The following LRRC75A variants were observed in gnomAD, a reference collection of about 807,000 sequenced individuals.
LRRC75A encodes the protein leucine-rich repeat-containing protein 75A.
In LRRC75A, 12 loss-of-function variants were observed where a neutral mutation model predicts 26.0. The observed-to-expected ratio is 0.46, with a 90% CI of 0.30 to 0.75. The LOEUF is 0.75. LRRC75A is among the 30% of genes least tolerant of loss of function. The probability of loss-of-function intolerance (pLI) is 0.08; values close to 1 mark genes in which losing one functional copy is unlikely to be tolerated. For missense variants in LRRC75A, 410 were observed against 486.6 expected (o/e 0.84, Z 1.48); for synonymous variants, 223 against 219.3 (o/e 1.02, Z -0.15).
intron 1 of LRRC75A, among the ~76,000 whole-genome samples, chr17:16,471,349 G>A (rs1297092832): frequency 6.6e-6 from 1 of 152,172 alleles, no homozygotes; most frequent in Non-Finnish European, 1.5e-5. Context: ...AATATGTTTC[G>A]GTTGGTCCAA....
At chr17:16,466,619 T>C (rs1601170440) in intron 1 of LRRC75A, among the ~76,000 whole-genome samples, 1 of 151,794 alleles carries the variant, frequency 6.6e-6, no homozygotes, top group Non-Finnish European at 1.5e-5. Flanking sequence ...TGGTGGGGAG[T>C]GACGCTCGGA....
Position 16,488,769 on chromosome 17 carries a change from G to A in LRRC75A, c.246+2976C>T, listed in dbSNP as rs115530954. ...CCTGCACCCCTGGCCACAGCTCAGGGTCATTTGTGCTGAATGAGGCCTCCT... is the reference window on the plus strand; with the variant it reads ...CCTGCACCCCTGGCCACAGCTCAGGATCATTTGTGCTGAATGAGGCCTCCT... On this transcript the variant is annotated intron_variant, in intron 1 of 3. Transcript: ENST00000470794. Among the ~76,000 whole-genome samples the A allele has an allele frequency of 2.8e-3, 432 of 152,342 alleles. 2 individuals carry two copies. Among genetic ancestry groups the A allele is most frequent in the African/African-American group, 0.01 (416 of 41,578 alleles).
intron 2 of LRRC75A, among the ~76,000 whole-genome samples, chr17:16,451,093 G>T (rs983905500): frequency 6.6e-6 from 1 of 152,178 alleles, no homozygotes; most frequent in Non-Finnish European, 1.5e-5. Flanking sequence ...TCATCAGTAA[G>T]ATTAAACCCC....
In LRRC75A at chr17:16,491,598, G is replaced by A; in HGVS notation, c.246+147C>T. On this transcript the variant is annotated intron_variant, in intron 1 of 3. Coordinates refer to ENST00000470794, the MANE Select transcript of LRRC75A (RefSeq NM_001113567.3). The surrounding 1 kb of genome is among the most constrained non-coding windows in gnomAD (Gnocchi z 5.9). ...CAGCGGAAGCGCCGAGGCACCTGCT[G>A]CCAGACAGGGCTCCATCCCCGCGGA... is the stretch of plus-strand genomic sequence containing the variant. 2.0e-6 allele frequency: 1 copy of A among 507,600 alleles called. No homozygotes were observed. Among genetic ancestry groups the A allele is most frequent in the Non-Finnish European group, 3.0e-6 (1 of 334,640 alleles). The allele number at this position is 507,600 out of a possible 1,614,324, so 31.4% of individuals were successfully genotyped here.
chr17:16,455,147 G>C (rs2093666698), intron 2 of LRRC75A, among the ~76,000 whole-genome samples: 1 of 152,004 alleles, frequency 6.6e-6, no homozygotes, highest in Admixed American at 6.6e-5. Flanking sequence ...TGGCCAGGTT[G>C]GTCTTGAACT....
intron 1 of LRRC75A, among the ~76,000 whole-genome samples, chr17:16,475,820 G>A (rs2093818315): frequency 6.6e-6 from 1 of 152,118 alleles, no homozygotes; most frequent in Admixed American, 6.6e-5. Context: ...GCTGAGGTGG[G>A]CGGATCACCT....
chr17:16,456,247 AAGGAAGAGGATC>A lies in LRRC75A; in HGVS notation c.375+5999_375+6010del, dbSNP rs1323331635. Among the ~76,000 whole-genome samples, 3 of 126,030 alleles carry A rather than the reference AAGGAAGAGGATC, an allele frequency of 2.4e-5. 1 individual carries two copies. The highest frequency in any genetic ancestry group is 8.2e-5 in the Admixed American group (1 of 12,208). 82.7% of individuals were successfully genotyped at this position (126,030 alleles called of 152,430 possible). The stretch of plus-strand genomic sequence containing the variant: ...GAAGAAGAGGAGAAAGGAGGAGAAG[AAGGAAGAGGATC>A]AGGAAGAGGAGGAGGAGGAAGAGGA... On this transcript the variant is annotated intron_variant, in intron 2 of 3. Coordinates refer to ENST00000470794, the MANE Select transcript of LRRC75A (RefSeq NM_001113567.3).
At chr17:16,473,184 A>G (rs554835093) in intron 1 of LRRC75A, among the ~76,000 whole-genome samples, 1 of 152,170 alleles carries the variant, frequency 6.6e-6, no homozygotes, top group South Asian at 2.1e-4. Flanking sequence ...AATGACAGAT[A>G]ATGCAGATGA....
chr17:16,467,755 G>A (rs2093780619), intron 1 of LRRC75A, among the ~76,000 whole-genome samples: 1 of 152,172 alleles, frequency 6.6e-6, no homozygotes, highest in Admixed American at 6.5e-5. Flanking sequence ...AAACCCCACT[G>A]TGCCTACTGG....
intron 1 of LRRC75A, among the ~76,000 whole-genome samples, chr17:16,473,475 G>A (rs2093812560): frequency 6.6e-6 from 1 of 152,174 alleles, no homozygotes; most frequent in African/African-American, 2.4e-5. Flanking sequence ...TGCCTCTCGA[G>A]GGCACCCTGG....
chr17:16,477,077 G>T (rs1287416440), intron 1 of LRRC75A, among the ~76,000 whole-genome samples: 1 of 152,132 alleles, frequency 6.6e-6, no homozygotes, highest in Non-Finnish European at 1.5e-5. Context: ...GAGACCGGGG[G>T]TTTTACCATG....
Position 16,492,103 on chromosome 17 carries a change from G to C in LRRC75A, c.-113C>G, listed in dbSNP as rs1384299074. On this transcript the variant is annotated 5_prime_UTR_variant, in exon 1 of 4. Coordinates refer to ENST00000470794, the MANE Select transcript of LRRC75A (RefSeq NM_001113567.3). ...CGCCTCCCGGGCTGCAACTTTGGGG[G>C]AACTGTTGCGCGCGGGCGTCGCGGG... 4.2e-6 allele frequency: 4 copies of C among 942,944 alleles called. No homozygotes were observed. Among genetic ancestry groups the C allele is most frequent in the Admixed American group, 5.8e-5 (1 of 17,250 alleles). The allele number at this position is 942,944 out of a possible 1,614,324, so 58.4% of individuals were successfully genotyped here. A position where few individuals can be genotyped will look rare whatever the true frequency, so the allele number is the denominator to read the frequency against.
intron 2 of LRRC75A, among the ~76,000 whole-genome samples, chr17:16,454,216 C>A (rs774843903): frequency 1.9e-4 from 29 of 151,722 alleles, no homozygotes; most frequent in Admixed American, 7.2e-4. Flanking sequence ...CACGGCGAAA[C>A]TCCATCTCTA....
At position 16,462,341 on chromosome 17, in the gene LRRC75A, A is replaced by T; in HGVS notation, c.292T>A (p.Tyr98Asn). The T allele has an allele frequency of 6.2e-7, 1 of 1,614,206 alleles. No homozygotes were observed. Among genetic ancestry groups the T allele is most frequent in the Non-Finnish European group, 8.5e-7 (1 of 1,180,026 alleles). Residue 98 changes from tyrosine to asparagine, a missense_variant, in exon 2 of 4, where the codon TAC (tyrosine) becomes AAC (asparagine). Coordinates refer to ENST00000470794, the MANE Select transcript of LRRC75A (RefSeq NM_001113567.3). This position sits in a 1 kb window ranked among gnomAD's most constrained non-coding sequence, Gnocchi z 4.6. ...STSLDDVLYR[Y>N]ASFRNLVDPI... is the part of the protein sequence containing the mutation. ...TCCACCAGGTTCCGGAAGCTGGCGT[A>T]GCGATACAGAACGTCGTCTAGCGAG...
intron 2 of LRRC75A, among the ~76,000 whole-genome samples, chr17:16,455,136 T>C (rs925118652): frequency 3.3e-5 from 5 of 152,034 alleles, no homozygotes; most frequent in African/African-American, 9.7e-5. Flanking sequence ...TTTCACTATG[T>C]TGGCCAGGTT....
chr17:16,455,199 C>G (rs1375535877), intron 2 of LRRC75A, among the ~76,000 whole-genome samples: 1 of 152,118 alleles, frequency 6.6e-6, no homozygotes, highest in African/African-American at 2.4e-5. Flanking sequence ...TCCCAAAGTG[C>G]TGGTATTACA....
intron 1 of LRRC75A, among the ~76,000 whole-genome samples, chr17:16,485,202 T>C (rs2093843660): frequency 6.6e-6 from 1 of 152,128 alleles, no homozygotes; most frequent in Non-Finnish European, 1.5e-5. Context: ...TCCATTCCAG[T>C]TTCTCTTAAT....
Position 16,443,613 on chromosome 17 carries a change from T to A in LRRC75A, c.1010A>T (p.Glu337Val). The A allele has an allele frequency of 5.8e-6, 9 of 1,539,272 alleles. No individual in the cohort carries two copies. Among genetic ancestry groups the A allele is most frequent in the Non-Finnish European group, 7.9e-6 (9 of 1,137,624 alleles). Residue 337 changes from glutamate (E) to valine (V), a missense_variant, in exon 4 of 4, where the codon GAG becomes GTG. Physicochemically the swap from Glu to Val is moderately radical, Grantham distance 121. Coordinates refer to ENST00000470794, the MANE Select transcript of LRRC75A (RefSeq NM_001113567.3). ...TCACGTCTGAGCTGCAGCTACAGTC[T>A]CCTTGCCCTCATGGTGGTCTTCGGC... ...APAEDHHEGK[E>V]TVAAAQT
intron 3 of LRRC75A, among the ~76,000 whole-genome samples, chr17:16,445,501 G>A (rs925928212): frequency 6.6e-6 from 1 of 152,126 alleles, no homozygotes; most frequent in Non-Finnish European, 1.5e-5. Flanking sequence ...GGGAAGGAGA[G>A]GGAGGTGGAG....
Sources: allele counts gnomAD v4.1 joint callset (sites outside exome capture counted in the v4.1 genomes callset), GRCh38; gene constraint gnomAD v4.1.1; non-coding constraint Gnocchi (gnomAD v3.1); transcripts MANE v1.5; gene names NCBI Gene and HGNC (gene_info 2026-07-23, HGNC 2026-07-21).